The following CAMTA1 variants were observed in gnomAD, a reference collection of about 807,000 sequenced individuals.
CAMTA1 encodes the protein calmodulin-binding transcription activator 1.
In CAMTA1, 27 loss-of-function variants were observed where a neutral mutation model predicts 170.9. That is an observed-to-expected ratio of 0.16 (90% confidence interval 0.12 to 0.22). The LOEUF (loss-of-function observed/expected upper bound fraction) is 0.22, where lower values mean the gene tolerates loss of function less well. Ranked by LOEUF, CAMTA1 falls within the 10% of genes least tolerant of loss-of-function variation. The pLI is 1.00. For synonymous variants in CAMTA1, 833 were observed against 891.5 expected, an observed-to-expected ratio of 0.93 and a Z score of 1.17; for missense variants, 1,619 against 2,217.2, an observed-to-expected ratio of 0.73 and a Z score of 5.42.
intron 4 of CAMTA1, among the ~76,000 whole-genome samples, chr1:7,229,350 G>A (rs79819829): frequency 1.4e-5 from 2 of 147,748 alleles, no homozygotes; most frequent in East Asian, 2.0e-4. Context: ...GCTGGACCAC[G>A]AGGCAGCTGG....
At chr1:6,933,345 C>T (rs775972999) in intron 3 of CAMTA1, among the ~76,000 whole-genome samples, 4 of 152,070 alleles carry the variant, frequency 2.6e-5, no homozygotes, top group Non-Finnish European at 4.4e-5. Flanking sequence ...CTGCAACGTC[C>T]ACCTCCCAGG....
intron 4 of CAMTA1, among the ~76,000 whole-genome samples, chr1:7,136,170 C>A (rs1363234512): frequency 6.6e-6 from 1 of 152,194 alleles, no homozygotes; most frequent in Non-Finnish European, 1.5e-5. Context: ...CTCTTTCAGA[C>A]AGCTCCTCTT....
chr1:7,201,979 T>G (rs1193184859), intron 4 of CAMTA1, among the ~76,000 whole-genome samples: 2 of 152,224 alleles, frequency 1.3e-5, no homozygotes, highest in Non-Finnish European at 2.9e-5. Context: ...CCGTGAATGT[T>G]TATACCTATG....
intron 7 of CAMTA1, among the ~76,000 whole-genome samples, chr1:7,654,583 TACAC>T (rs1194024275): frequency 3.4e-5 from 3 of 88,062 alleles, no homozygotes; most frequent in East Asian, 4.2e-4. Flanking sequence ...CACCTATACA[TACAC>T]ACAGCTATAC....
chr1:7,246,429 ATTAAG>A (rs764846841), intron 4 of CAMTA1, among the ~76,000 whole-genome samples: 1 of 152,216 alleles, frequency 6.6e-6, no homozygotes, highest in Non-Finnish European at 1.5e-5. Context: ...GGGTGGCATT[ATTAAG>A]TTGCAGGACT....
chr1:7,760,578 A>G (rs1481592295), intron 22 of CAMTA1, among the ~76,000 whole-genome samples: 1 of 152,170 alleles, frequency 6.6e-6, no homozygotes, highest in Non-Finnish European at 1.5e-5. Flanking sequence ...CTTCAAAGTA[A>G]TTTTGTCTCA....
At chr1:7,756,715 G>T (rs1159536092) in intron 22 of CAMTA1, among the ~76,000 whole-genome samples, 5 of 152,048 alleles carry the variant, frequency 3.3e-5, no homozygotes. Flanking sequence ...AGGCGTGGTA[G>T]GGCATGCCTG....
At chr1:7,339,164 G>A (rs1055558193) in intron 5 of CAMTA1, among the ~76,000 whole-genome samples, 2 of 152,148 alleles carry the variant, frequency 1.3e-5, no homozygotes, top group African/African-American at 4.8e-5. Flanking sequence ...ACCATACTGT[G>A]TATTTCAAAA....
At chr1:7,182,657 A>G (rs1012704886) in intron 4 of CAMTA1, among the ~76,000 whole-genome samples, 2 of 152,210 alleles carry the variant, frequency 1.3e-5, no homozygotes, top group Admixed American at 1.3e-4. Context: ...GTCAAAATGC[A>G]AATGACTTTG....
At chr1:7,584,009 C>T (rs115626586) in intron 6 of CAMTA1, among the ~76,000 whole-genome samples, 139 of 152,292 alleles carry the variant, frequency 9.1e-4, no homozygotes, top group African/African-American at 3.3e-3. Context: ...GCGTCCATGG[C>T]ATTCTGCTCA....
At chr1:7,517,390 AG>A (rs1250361634) in intron 6 of CAMTA1, among the ~76,000 whole-genome samples, 1 of 152,148 alleles carries the variant, frequency 6.6e-6, no homozygotes, top group Non-Finnish European at 1.5e-5. Context: ...ATTTCCCTAA[AG>A]CTGTTCCCCA....
At chr1:7,285,133 G>A (rs1672172728) in intron 5 of CAMTA1, among the ~76,000 whole-genome samples, 1 of 152,198 alleles carries the variant, frequency 6.6e-6, no homozygotes, top group Non-Finnish European at 1.5e-5. Flanking sequence ...GGGAGAGAGG[G>A]ATCCAAGGAT....
intron 7 of CAMTA1, among the ~76,000 whole-genome samples, chr1:7,659,483 G>A (rs368437829): frequency 3.7e-4 from 56 of 152,266 alleles, no homozygotes; most frequent in Middle Eastern, 3.4e-3. Context: ...GCAGTGAACC[G>A]AGATCGTGCC....
chr1:7,035,349 G>A (rs1355484523), intron 3 of CAMTA1, among the ~76,000 whole-genome samples: 4 of 152,052 alleles, frequency 2.6e-5, no homozygotes, highest in East Asian at 1.9e-4. Flanking sequence ...GCAGTGAGCC[G>A]AGATTGCGCC....
chr1:6,963,560 G>A (rs539665784), intron 3 of CAMTA1, among the ~76,000 whole-genome samples: 2 of 152,306 alleles, frequency 1.3e-5, no homozygotes, highest in South Asian at 4.1e-4. Flanking sequence ...CATGTAGAAT[G>A]TTTCCGCTGA....
intron 5 of CAMTA1, among the ~76,000 whole-genome samples, chr1:7,464,407 G>A (rs1557758638): frequency 6.6e-6 from 1 of 152,176 alleles, no homozygotes; most frequent in Non-Finnish European, 1.5e-5. Flanking sequence ...TTGCTTTTTT[G>A]ATTAGTGGAT....
intron 3 of CAMTA1, among the ~76,000 whole-genome samples, chr1:6,961,655 G>A (rs115686243): frequency 0.015 from 2,251 of 152,250 alleles, 28 homozygotes; most frequent in East Asian, 0.036. Context: ...ATATTCACTG[G>A]CAGTGACCTT....
At chr1:6,835,653 G>T (rs766764179) in intron 3 of CAMTA1, among the ~76,000 whole-genome samples, 10 of 152,152 alleles carry the variant, frequency 6.6e-5, no homozygotes, top group Non-Finnish European at 1.2e-4. Context: ...CCTCCTGGAA[G>T]TGTGTTCTAA....
chr1:6,907,865 C>T (rs1192432205), intron 3 of CAMTA1, among the ~76,000 whole-genome samples: 2 of 152,162 alleles, frequency 1.3e-5, no homozygotes, highest in African/African-American at 4.8e-5. Flanking sequence ...TGGCGCAGTT[C>T]CAGCCTCTCC....
Sources: allele counts gnomAD v4.1 joint callset (sites outside exome capture counted in the v4.1 genomes callset), GRCh38; gene constraint gnomAD v4.1.1; transcripts MANE v1.5; gene names NCBI Gene and HGNC (gene_info 2026-07-23, HGNC 2026-07-21).